The following COLEC11 variants were observed in gnomAD, a reference collection of about 807,000 sequenced individuals.
COLEC11 encodes collectin subfamily member 11, also known as collectin-11.
In COLEC11, 20 loss-of-function variants were observed where a neutral mutation model predicts 27.3. That is an observed-to-expected ratio of 0.73 (90% CI 0.51 to 1.06). The LOEUF is 1.06. Ranked by LOEUF, COLEC11 falls within the 50% of genes least tolerant of loss-of-function variation. The pLI, the probability that COLEC11 is intolerant of heterozygous loss-of-function variation, is 0.00. For missense variants in COLEC11, 310 were observed against 383.0 expected (o/e 0.81, Z 1.59); for synonymous variants, 163 against 154.7 (o/e 1.05, Z -0.40).
chr2:3,642,968 C>T (rs930391659), intron 5 of COLEC11, among the ~76,000 whole-genome samples: 1 of 152,230 alleles, frequency 6.6e-6, no homozygotes, highest in South Asian at 2.1e-4. Context: ...GATTCCACCT[C>T]CTTTGCCCAG....
intron 3 of COLEC11, chr2:3,625,919 C>T (rs1664521885): frequency 4.3e-6 from 5 of 1,171,944 alleles, no homozygotes; most frequent in South Asian, 1.2e-5. Flanking sequence ...AGGCATGAGC[C>T]GCCATACCTG....
At chr2:3,639,484 TGGA>T (rs1347876846) in intron 4 of COLEC11, among the ~76,000 whole-genome samples, 1 of 152,338 alleles carries the variant, frequency 6.6e-6, no homozygotes, top group East Asian at 1.9e-4. Context: ...ATCAGGTGGG[TGGA>T]GACTGCGAAA....
At chr2:3,605,834 G>C (rs955164486) in intron 2 of COLEC11, 3 of 432,304 alleles carry the variant, frequency 6.9e-6, no homozygotes, top group African/African-American at 6.0e-5. Flanking sequence ...GGGGCACAGG[G>C]TCCGGACAGC....
chr2:3,630,876 A>G (rs1434033969), intron 3 of COLEC11, among the ~76,000 whole-genome samples: 1 of 152,162 alleles, frequency 6.6e-6, no homozygotes, highest in Non-Finnish European at 1.5e-5. Flanking sequence ...GACCACTTCC[A>G]ACTCTTGGTA....
At chr2:3,633,276 G>A (rs11690887) in intron 3 of COLEC11, among the ~76,000 whole-genome samples, 2 of 152,216 alleles carry the variant, frequency 1.3e-5, no homozygotes, top group South Asian at 2.1e-4. Context: ...TCCCATCTTC[G>A]GGAAAGACTT....
At chr2:3,624,192 C>G (rs962478251) in intron 3 of COLEC11, among the ~76,000 whole-genome samples, 1 of 152,176 alleles carries the variant, frequency 6.6e-6, no homozygotes, top group African/African-American at 2.4e-5. Flanking sequence ...TTCTCCCTCC[C>G]CATCCCACAC....
chr2:3,597,694 C>A (rs1661947545), intron 1 of COLEC11, among the ~76,000 whole-genome samples: 2 of 151,486 alleles, frequency 1.3e-5, no homozygotes, highest in Admixed American at 1.3e-4. Context: ...AAAAACTAAA[C>A]CCAGTTTGCA....
intron 3 of COLEC11, among the ~76,000 whole-genome samples, chr2:3,613,861 G>GTA (rs1433332254): frequency 4.6e-5 from 7 of 152,128 alleles, no homozygotes; most frequent in South Asian, 2.1e-4. Context: ...AATGTATCAT[G>GTA]TGTAAAGTAG....
At chr2:3,604,231 C>G (rs1219103410) in intron 1 of COLEC11, 84 bp from the exon 2 acceptor site, 1 of 1,493,458 alleles carries the variant, frequency 6.7e-7, no homozygotes, top group African/African-American at 1.4e-5. Flanking sequence ...GAGGGCTACA[C>G]CCCTTGCCTC....
At chr2:3,615,728 C>T (rs1027057833) in intron 3 of COLEC11, among the ~76,000 whole-genome samples, 1 of 150,434 alleles carries the variant, frequency 6.6e-6, no homozygotes, top group Admixed American at 6.6e-5. Context: ...GGCAGAGGCG[C>T]CCCCCACCTC....
intron 2 of COLEC11, among the ~76,000 whole-genome samples, chr2:3,609,336 G>T (rs1662993027): frequency 8.5e-6 from 1 of 117,022 alleles, no homozygotes; most frequent in African/African-American, 3.1e-5. Context: ...TTGTTACTAT[G>T]AACTATTTTT....
intron 2 of COLEC11, among the ~76,000 whole-genome samples, chr2:3,606,884 C>T (rs938291191): frequency 1.3e-5 from 2 of 152,320 alleles, no homozygotes; most frequent in South Asian, 2.1e-4. Flanking sequence ...AGGCAGCGTG[C>T]GGCACAGTGC....
At chr2:3,630,002 A>G (rs1281907664) in intron 3 of COLEC11, among the ~76,000 whole-genome samples, 1 of 152,220 alleles carries the variant, frequency 6.6e-6, no homozygotes, top group East Asian at 1.9e-4. Flanking sequence ...GAATGTGTGC[A>G]TGCATCATGC....
chr2:3,632,817 T>C (rs1665114922), intron 3 of COLEC11, among the ~76,000 whole-genome samples: 1 of 152,106 alleles, frequency 6.6e-6, no homozygotes, highest in African/African-American at 2.4e-5. Context: ...GAGTCCCCAC[T>C]TGGAGAGGGG....
rs535722345 is a variant in COLEC11 at position 3,628,783 on chromosome 2, A to G, written c.203-8750A>G. Among the ~76,000 whole-genome samples, 9 of 152,344 alleles carry G rather than the reference A, an allele frequency of 5.9e-5. No individual in the cohort carries two copies. In the South Asian group the frequency reaches 1.2e-3, roughly 21 times the overall value. ...CTTCAGAGGACTGTGTGAAGTGTTC[A>G]TTAAAATTAATAAGAACTCCACACC... On this transcript the variant is annotated intron_variant, in intron 3 of 6. Coordinates refer to ENST00000349077, the MANE Select transcript of COLEC11 (RefSeq NM_024027.5).
rs77653152 is a variant in COLEC11 at position 3,610,635 on chromosome 2, G to A, written c.131-2676G>A. Among the ~76,000 whole-genome samples the A allele has an allele frequency of 1.1e-4, 16 of 152,190 alleles. No individual in the cohort carries two copies. The East Asian group carries it at 2.9e-3, about 28-fold the overall frequency. Reference sequence around the variant, plus strand: ...GCCTACTGCCTCGGGCTCGTGGCTCGCTCTGCCCAACCACCTGGCTTCCCG... The same window carrying A: ...GCCTACTGCCTCGGGCTCGTGGCTCACTCTGCCCAACCACCTGGCTTCCCG... On this transcript the variant is annotated intron_variant, in intron 2 of 6. Transcript: ENST00000349077.
intron 3 of COLEC11, among the ~76,000 whole-genome samples, chr2:3,623,159 C>T (rs144270834): frequency 2.0e-3 from 301 of 152,200 alleles, no homozygotes; most frequent in African/African-American, 6.7e-3. Context: ...CTGCTGATAG[C>T]CTTATGAGGG....
At chr2:3,611,706 G>A (rs1394369599) in intron 2 of COLEC11, among the ~76,000 whole-genome samples, 1 of 152,156 alleles carries the variant, frequency 6.6e-6, no homozygotes, top group Non-Finnish European at 1.5e-5. Flanking sequence ...GCTGTGGCAC[G>A]GGGGTGATGT....
intron 3 of COLEC11, among the ~76,000 whole-genome samples, chr2:3,626,526 G>T (rs1351589062): frequency 6.6e-6 from 1 of 152,332 alleles, no homozygotes; most frequent in South Asian, 2.1e-4. Flanking sequence ...GTGCCTGGTG[G>T]CCTGGTGGTT....
Sources: allele counts gnomAD v4.1 joint callset (sites outside exome capture counted in the v4.1 genomes callset), GRCh38; gene constraint gnomAD v4.1.1; transcripts MANE v1.5; gene names NCBI Gene and HGNC (gene_info 2026-07-23, HGNC 2026-07-21).